The following RBFOX1 variants were observed in gnomAD, a reference collection of about 807,000 sequenced individuals.
The protein encoded by RBFOX1 is RNA binding protein fox-1 homolog 1.
In RBFOX1, 8 loss-of-function variants were observed where a neutral mutation model predicts 57.7. The ratio of observed to expected loss-of-function variants is 0.14; its 90% CI spans 0.08 to 0.25. RBFOX1 has a LOEUF of 0.25. RBFOX1 is among the 10% of genes least tolerant of loss of function. The pLI is 1.00. For missense variants in RBFOX1, 611 were observed against 548.5 expected (o/e 1.11, Z -1.14); for synonymous variants, 326 against 222.4 (o/e 1.47, Z -4.15).
At chr16:7,086,721 T>TACACACACACACAC (rs71280731) in intron 4 of RBFOX1, among the ~76,000 whole-genome samples, 2 of 149,476 alleles carry the variant, frequency 1.3e-5, no homozygotes, top group African/African-American at 5.0e-5. Flanking sequence ...GAAGAATGTA[T>TACACACACACACAC]ACACACACAC....
intron 1 of RBFOX1, among the ~76,000 whole-genome samples, chr16:5,413,023 C>T (rs1254066653): frequency 6.6e-6 from 1 of 152,184 alleles, no homozygotes; most frequent in Non-Finnish European, 1.5e-5. Flanking sequence ...CTGGATGAAG[C>T]CACTCTGGCA....
intron 2 of RBFOX1, among the ~76,000 whole-genome samples, chr16:6,327,410 C>T (rs1040779116): frequency 4.6e-5 from 7 of 152,016 alleles, no homozygotes; most frequent in African/African-American, 1.7e-4. Context: ...GGATAAGTGC[C>T]TGAGAAGTAT....
intron 1 of RBFOX1, among the ~76,000 whole-genome samples, chr16:6,064,829 A>G (rs1379828045): frequency 1.3e-5 from 2 of 151,976 alleles, no homozygotes; most frequent in Non-Finnish European, 2.9e-5. Flanking sequence ...TTGCCCCTCC[A>G]TCAATGATTT....
intron 4 of RBFOX1, among the ~76,000 whole-genome samples, chr16:7,417,958 A>G (rs961122131): frequency 6.6e-6 from 1 of 152,050 alleles, no homozygotes; most frequent in African/African-American, 2.4e-5. Context: ...TATGCAGCCT[A>G]TCACCCAATC....
intron 2 of RBFOX1, among the ~76,000 whole-genome samples, chr16:6,628,772 T>C (rs141962058): frequency 9.1e-4 from 139 of 152,350 alleles, no homozygotes; most frequent in Non-Finnish European, 1.3e-3. Context: ...TGTGAAGATA[T>C]AGAACTGTCA....
intron 3 of RBFOX1, among the ~76,000 whole-genome samples, chr16:6,966,985 C>G (rs1278216993): frequency 6.6e-6 from 1 of 151,886 alleles, no homozygotes; most frequent in African/African-American, 2.4e-5. Context: ...CATCCATCAT[C>G]TACTTATACA....
intron 2 of RBFOX1, among the ~76,000 whole-genome samples, chr16:6,580,749 C>G (rs1377183810): frequency 2.0e-5 from 3 of 152,112 alleles, no homozygotes; most frequent in Admixed American, 2.0e-4. Context: ...GAAGTAAGTT[C>G]CCTGGCCCCA....
At chr16:5,295,954 G>A (rs2063656582) in intron 1 of RBFOX1, among the ~76,000 whole-genome samples, 1 of 152,210 alleles carries the variant, frequency 6.6e-6, no homozygotes, top group African/African-American at 2.4e-5. Flanking sequence ...TTATCAGAGA[G>A]TAAGGACTTC....
At chr16:5,735,497 T>C (rs1452069265) in intron 3 of RBFOX1, among the ~76,000 whole-genome samples, 2 of 152,232 alleles carry the variant, frequency 1.3e-5, no homozygotes, top group African/African-American at 4.8e-5. Context: ...CACCCTTCAG[T>C]TCCTTCCCGC....
intron 1 of RBFOX1, among the ~76,000 whole-genome samples, chr16:6,193,805 T>G (rs186145379): frequency 6.6e-6 from 1 of 152,116 alleles, no homozygotes; most frequent in Admixed American, 6.6e-5. Context: ...ACATCCCTCC[T>G]TCCTTTTGAA....
At chr16:6,670,050 C>G (rs1221407136) in intron 3 of RBFOX1, among the ~76,000 whole-genome samples, 1 of 152,144 alleles carries the variant, frequency 6.6e-6, no homozygotes, top group Non-Finnish European at 1.5e-5. Context: ...GAGACAGGGC[C>G]TTGCTCTAGT....
intron 2 of RBFOX1, among the ~76,000 whole-genome samples, chr16:5,545,254 A>G (rs1172834508): frequency 1.3e-5 from 2 of 151,976 alleles, no homozygotes; most frequent in Non-Finnish European, 2.9e-5. Context: ...CTGGGATTAC[A>G]GCTGTGAGCA....
chr16:5,928,765 C>T (rs1399895262), intron 4 of RBFOX1, among the ~76,000 whole-genome samples: 2 of 151,738 alleles, frequency 1.3e-5, no homozygotes, highest in East Asian at 1.9e-4. Flanking sequence ...GTATTGTGGG[C>T]CACCATTTTG....
At chr16:5,902,214 C>T (rs928101802) in intron 4 of RBFOX1, among the ~76,000 whole-genome samples, 24 of 151,994 alleles carry the variant, frequency 1.6e-4, no homozygotes, top group Admixed American at 2.0e-4. Context: ...CCATTAAGTA[C>T]GAATTAATGT....
chr16:5,528,565 T>TC (rs142043064), intron 2 of RBFOX1, among the ~76,000 whole-genome samples: 36,644 of 134,996 alleles, frequency 0.27, 6,471 homozygotes, highest in East Asian at 0.81. Flanking sequence ...TTTTTTTTTT[T>TC]CTGGCTTCTT....
intron 4 of RBFOX1, among the ~76,000 whole-genome samples, chr16:7,182,637 AGATTCCAGAG>A (rs1272004523): frequency 1.1e-4 from 16 of 152,358 alleles, no homozygotes; most frequent in African/African-American, 3.8e-4. Flanking sequence ...AATATTCCAT[AGATTCCAGAG>A]GATTCCAGAG....
intron 2 of RBFOX1, among the ~76,000 whole-genome samples, chr16:6,399,191 G>C (rs995523076): frequency 2.6e-5 from 4 of 152,234 alleles, no homozygotes; most frequent in Non-Finnish European, 4.4e-5. Context: ...ATGTCCCGAG[G>C]CAGCACAGAG....
intron 3 of RBFOX1, among the ~76,000 whole-genome samples, chr16:5,645,399 C>T (rs1264497700): frequency 6.6e-6 from 1 of 151,962 alleles, no homozygotes; most frequent in Non-Finnish European, 1.5e-5. Flanking sequence ...TTGCCAGGGA[C>T]CGAGAGGTTT....
At chr16:7,652,312 G>A (rs1475837402) in intron 11 of RBFOX1, among the ~76,000 whole-genome samples, 1 of 152,184 alleles carries the variant, frequency 6.6e-6, no homozygotes, top group East Asian at 1.9e-4. Flanking sequence ...TTATCAGGGG[G>A]CTGGGGTAAT....
Sources: allele counts gnomAD v4.1 joint callset (sites outside exome capture counted in the v4.1 genomes callset), GRCh38; gene constraint gnomAD v4.1.1; transcripts MANE v1.5; gene names NCBI Gene and HGNC (gene_info 2026-07-23, HGNC 2026-07-21).